H2AZ2: variants seen among roughly 807,000 people sequenced by gnomAD.
H2AZ2 encodes the protein H2A.Z variant histone 2, also known as histone H2A.V.
A neutral mutation model predicts 15.5 loss-of-function variants in H2AZ2; 5 were observed. The ratio of observed to expected loss-of-function variants is 0.32; its 90% CI spans 0.17 to 0.68. H2AZ2 has a LOEUF of 0.68. H2AZ2 is among the 30% of genes least tolerant of loss of function. The pLI is 0.72. For synonymous variants in H2AZ2, 44 were observed against 57.4 expected (o/e 0.77, Z 1.05); for missense variants, 42 against 162.5 (o/e 0.26, Z 4.03).
At chr7:44,835,955 C>CTTTTT (rs56386314) in intron 3 of H2AZ2, among the ~76,000 whole-genome samples, 1 of 90,918 alleles carries the variant, frequency 1.1e-5, no homozygotes, top group African/African-American at 3.7e-5. Flanking sequence ...TTAGAAAAGT[C>CTTTTT]TTTTTTTTTT....
chr7:44,846,977 T>G (rs2117050102), intron 1 of H2AZ2, among the ~76,000 whole-genome samples: 1 of 152,266 alleles, frequency 6.6e-6, no homozygotes, highest in East Asian at 1.9e-4. Flanking sequence ...CTGTTTACAG[T>G]TAGGTGTTAT....
At chr7:44,842,917 G>C (rs913738648) in intron 2 of H2AZ2, among the ~76,000 whole-genome samples, 1 of 151,892 alleles carries the variant, frequency 6.6e-6, no homozygotes. Flanking sequence ...GAGGCAGGCA[G>C]ATCACGAGGT....
chr7:44,844,043 G>GA (rs55761560), intron 1 of H2AZ2, among the ~76,000 whole-genome samples: 52 of 141,898 alleles, frequency 3.7e-4, no homozygotes, highest in Admixed American at 1.5e-3. Flanking sequence ...CATGTTCCAA[G>GA]AAAAAAAAAA....
chr7:44,830,099 A>G, downstream of H2AZ2: 1 of 1,606,048 alleles, frequency 6.2e-7, no homozygotes, highest in South Asian at 1.1e-5. Flanking sequence ...GTTCCACTAA[A>G]TCAGCAAAAC....
downstream of H2AZ2, among the ~76,000 whole-genome samples, chr7:44,830,344 CATA>C (rs766837442): frequency 2.3e-4 from 35 of 152,162 alleles, no homozygotes; most frequent in African/African-American, 3.9e-4. Context: ...TGAAAATTTT[CATA>C]ATGTCAGAAG....
downstream of H2AZ2, chr7:44,828,083 T>C (rs1212735840): frequency 2.0e-5 from 3 of 152,200 alleles, no homozygotes; most frequent in Non-Finnish European, 4.4e-5. Flanking sequence ...AATTAGTATA[T>C]TTTTTGAAGC....
intron 1 of H2AZ2, among the ~76,000 whole-genome samples, chr7:44,847,473 A>C (rs1793439892): frequency 6.6e-6 from 1 of 152,168 alleles, no homozygotes; most frequent in African/African-American, 2.4e-5. Flanking sequence ...TGGTCTATAA[A>C]ACCATTCTTT....
intron 2 of H2AZ2, among the ~76,000 whole-genome samples, 161 bp downstream of exon 2, chr7:44,843,116 C>T (rs1007923084): frequency 1.8e-4 from 19 of 103,816 alleles, no homozygotes; most frequent in Admixed American, 4.4e-4. Flanking sequence ...TCCAGCCTGA[C>T]GACAGAGTGA....
At position 44,847,992 on chromosome 7, in the gene H2AZ2, CT is replaced by C; in HGVS notation, c.-22del. Reference sequence around the variant, plus strand: ...ACCATGTTCTCGGCGCCGACTCCGCCTCCGCTCGGCCGCGCGCCCTCCCGCT... The same window carrying C: ...ACCATGTTCTCGGCGCCGACTCCGCCCCGCTCGGCCGCGCGCCCTCCCGCT... On this transcript the variant is annotated 5_prime_UTR_variant, in exon 1 of 5. Transcript: ENST00000308153. 7.2e-7 allele frequency: 1 copy of C among 1,398,370 alleles called. No individual in the cohort carries two copies. Among genetic ancestry groups the C allele is most frequent in the Non-Finnish European group, 9.3e-7 (1 of 1,077,444 alleles). The allele number at this position is 1,398,370 out of a possible 1,614,324, so 86.6% of individuals were successfully genotyped here. A position where few individuals can be genotyped will look rare whatever the true frequency, so the allele number is the denominator to read the frequency against.
rs955662766 is a variant in H2AZ2, at chr7:44,842,243, A to G, written c.81+1034T>C. Among the ~76,000 whole-genome samples, 4 of 151,986 alleles carry G rather than the reference A, an allele frequency of 2.6e-5. No homozygotes were observed. The East Asian group carries it at 7.7e-4, about 29-fold the overall frequency. On this transcript the variant is annotated intron_variant, in intron 2 of 4. Transcript: ENST00000308153. ...TCTGACTACTCCTCAGCCTTTTCTT[A>G]AAGTTTTTCAGGGGTCCACCAACGT...
downstream of H2AZ2, chr7:44,827,594 A>G (rs1465486570): frequency 2.0e-5 from 3 of 152,250 alleles, no homozygotes; most frequent in African/African-American, 7.2e-5. Flanking sequence ...GTTTATTTAT[A>G]GAATTAGAAA....
At chr7:44,842,761 C>T (rs1015725922) in intron 2 of H2AZ2, among the ~76,000 whole-genome samples, 3 of 152,152 alleles carry the variant, frequency 2.0e-5, no homozygotes, top group African/African-American at 7.2e-5. Context: ...TCGGTATCAT[C>T]TGGATAATGT....
At chr7:44,830,079 G>A, downstream of H2AZ2, 5 of 1,532,332 alleles carry the variant, frequency 3.3e-6, 1 homozygote, top group South Asian at 2.2e-5. Flanking sequence ...ACACATCCCA[G>A]TAGAATCTTG....
downstream of H2AZ2, chr7:44,827,689 A>G (rs1792945296): frequency 6.6e-6 from 1 of 152,214 alleles, no homozygotes; most frequent in African/African-American, 2.4e-5. Flanking sequence ...TGACTCTCCA[A>G]CTATCACCAT....
downstream of H2AZ2, chr7:44,829,126 A>G (rs1254100097): frequency 1.3e-5 from 2 of 152,152 alleles, no homozygotes; most frequent in African/African-American, 4.8e-5. Flanking sequence ...ATGGGGACCA[A>G]AATTCTGCCT....
chr7:44,844,308 C>A (rs1793346940), intron 1 of H2AZ2, among the ~76,000 whole-genome samples: 1 of 152,170 alleles, frequency 6.6e-6, no homozygotes, highest in South Asian at 2.1e-4. Flanking sequence ...CATGAATGGG[C>A]CTTGAGGACA....
intron 3 of H2AZ2, among the ~76,000 whole-genome samples, chr7:44,839,259 C>A (rs1190803549): frequency 6.6e-6 from 1 of 152,166 alleles, no homozygotes; most frequent in African/African-American, 2.4e-5. Context: ...TGATTACATA[C>A]ATACTTCAAA....
intron 1 of H2AZ2, among the ~76,000 whole-genome samples, chr7:44,847,391 T>C (rs1793436621): frequency 6.6e-6 from 1 of 152,176 alleles, no homozygotes. Context: ...AACCGCAAAC[T>C]GCAAGGGGCT....
At chr7:44,837,418 C>CAAAA (rs1365895034) in intron 3 of H2AZ2, among the ~76,000 whole-genome samples, 1 of 38,546 alleles carries the variant, frequency 2.6e-5, no homozygotes, top group African/African-American at 1.2e-4. Context: ...GCAAGACTCT[C>CAAAA]AAAAAAAAAA....
Sources: gnomAD v4.1 joint callset for allele counts (sites outside exome capture counted in the v4.1 genomes callset) on GRCh38, gnomAD v4.1.1 for gene constraint, MANE v1.5 for transcripts, NCBI Gene and HGNC (gene_info 2026-07-23, HGNC 2026-07-21) for gene names.